The following KIF9 variants were observed in gnomAD, a reference collection of about 807,000 sequenced individuals.
KIF9 encodes kinesin-like protein KIF9.
Under a neutral mutation model 94.8 loss-of-function variants are expected in KIF9, and 68 were observed. The ratio of observed to expected loss-of-function variants is 0.72; its 90% CI spans 0.59 to 0.88. KIF9 has a LOEUF of 0.88. Ranked by LOEUF, KIF9 falls within the 40% of genes least tolerant of loss-of-function variation. The pLI is 0.00. For synonymous variants in KIF9, 343 were observed against 362.1 expected, an observed-to-expected ratio of 0.95 and a Z score of 0.60; for missense variants, 882 against 982.5, an observed-to-expected ratio of 0.90 and a Z score of 1.37.
At chr3:47,265,345 G>C (rs1350887653) in intron 8 of KIF9, among the ~76,000 whole-genome samples, 3 of 152,132 alleles carry the variant, frequency 2.0e-5, no homozygotes, top group Non-Finnish European at 2.9e-5. Flanking sequence ...TAGGGCTATG[G>C]GGATGATAAG....
chr3:47,240,119 T>A, intron 17 of KIF9: 1 of 363,992 alleles, frequency 2.7e-6, no homozygotes, highest in Non-Finnish European at 5.1e-6. Flanking sequence ...CACGCAAGCT[T>A]GGTGGGCCTT....
At position 47,280,938 on chromosome 3, in the gene KIF9, C is replaced by T. The variant is rs1391420816; in HGVS notation, c.-6+1557G>A. 3 of 702,932 alleles carry T rather than the reference C, an allele frequency of 4.3e-6. No individual in the cohort carries two copies. In the African/African-American group the frequency reaches 5.2e-5, roughly 12 times the overall value. 43.5% of individuals were successfully genotyped at this position (702,932 alleles called of 1,614,324 possible). The stretch of plus-strand genomic sequence containing the variant: ...ACCCAAACATTTAGGGACCCCATGC[C>T]ATCTTGCACTTACTGAAATACTGCT... On this transcript the variant is annotated intron_variant, in intron 1 of 20. Coordinates refer to ENST00000684063, the MANE Select transcript of KIF9 (RefSeq NM_182902.4).
At chr3:47,235,685 T>C in intron 19 of KIF9, 68 bp from the exon 20 acceptor site, 8 of 1,277,100 alleles carry the variant, frequency 6.3e-6, no homozygotes, top group Non-Finnish European at 8.0e-6. Context: ...GTGGTGTGCA[T>C]CAGGGCAGTC....
At chr3:47,239,855 T>C in intron 17 of KIF9, 10 of 1,367,898 alleles carry the variant, frequency 7.3e-6, no homozygotes, top group Non-Finnish European at 9.8e-6. Context: ...TCATGGAAGC[T>C]GGCCTGGAAC....
chr3:47,263,971 C>T, intron 9 of KIF9: 2 of 502,458 alleles, frequency 4.0e-6, no homozygotes, highest in South Asian at 3.1e-5. Context: ...TTCTTGATCC[C>T]AATTCCAGGA....
chr3:47,232,378 G>A (rs983569937), intron 20 of KIF9, among the ~76,000 whole-genome samples: 15 of 151,864 alleles, frequency 9.9e-5, no homozygotes, highest in Non-Finnish European at 1.8e-4. Flanking sequence ...TCCACCTCCC[G>A]GGTTCAAGCA....
intron 5 of KIF9, among the ~76,000 whole-genome samples, chr3:47,268,575 TTTC>T (rs1478077577): frequency 3.2e-4 from 48 of 151,904 alleles, no homozygotes; most frequent in East Asian, 2.7e-3. Flanking sequence ...TCACTTCATT[TTTC>T]TTCTTCTTTT....
chr3:47,277,905 C>T (rs1702077482), intron 1 of KIF9, among the ~76,000 whole-genome samples: 1 of 152,108 alleles, frequency 6.6e-6, no homozygotes. Flanking sequence ...TCTTTCTTCT[C>T]TTACTATATT....
chr3:47,279,178 A>C (rs1429252731), intron 1 of KIF9, among the ~76,000 whole-genome samples: 1 of 149,974 alleles, frequency 6.7e-6, no homozygotes, highest in East Asian at 2.0e-4. Flanking sequence ...AAAAAAAAAA[A>C]AAAACTAACG....
chr3:47,270,258 CT>C lies in KIF9; in HGVS notation c.591+978del, dbSNP rs1245982298. Among the ~76,000 whole-genome samples the C allele has an allele frequency of 7.6e-3, 1,079 of 142,684 alleles. 12 individuals carry two copies. The highest frequency in any genetic ancestry group is 0.024 in the African/African-American group (936 of 39,102). 93.6% of individuals were successfully genotyped at this position (142,684 alleles called of 152,430 possible). ...ATTCTTATTTTTCTCTTTTTCTTTT[CT>C]TTTTTTTTTTTGAGAAGGAGTTTTG... On this transcript the variant is annotated intron_variant, in intron 5 of 20. Transcript: ENST00000684063.
In KIF9 at chr3:47,248,018, C is replaced by T. The variant is rs766896097; in HGVS notation, c.1128G>A (p.Leu376=). 1 of 1,611,818 alleles carries T rather than the reference C, an allele frequency of 6.2e-7. No homozygotes were observed. The highest frequency in any genetic ancestry group is 8.5e-7 in the Non-Finnish European group (1 of 1,178,002). Residue 376 remains leucine, a splice_region_variant and synonymous_variant, in exon 11 of 21, where the codon CTG becomes CTA. Coordinates refer to ENST00000684063, the MANE Select transcript of KIF9 (RefSeq NM_182902.4). ...TCCTTCTTTGCCTCTAGCCTCTTACCAGGCTGTCATGGATAGCCAGCTCCT... is the reference window on the plus strand; with the variant it reads ...TCCTTCTTTGCCTCTAGCCTCTTACTAGGCTGTCATGGATAGCCAGCTCCT... ...LKQELAIHDS[L]TNRTFVTYDP...
chr3:47,250,657 G>A (rs1700215778), intron 10 of KIF9: 9 of 395,382 alleles, frequency 2.3e-5, no homozygotes, highest in East Asian at 2.0e-4. Flanking sequence ...GAGAAGAATC[G>A]CTAAGTCATT....
At chr3:47,232,707 G>A (rs1302099833) in intron 20 of KIF9, among the ~76,000 whole-genome samples, 2 of 151,998 alleles carry the variant, frequency 1.3e-5, no homozygotes, top group African/African-American at 4.8e-5. Flanking sequence ...AGTCGGCCGG[G>A]CATGCTGGCT....
At chr3:47,270,031 G>A (rs1701540579) in intron 5 of KIF9, among the ~76,000 whole-genome samples, 1 of 151,906 alleles carries the variant, frequency 6.6e-6, no homozygotes, top group Non-Finnish European at 1.5e-5. Context: ...GCCTCCCAAA[G>A]TGTTGGGATT....
intron 14 of KIF9, 184 bp from the exon 15 acceptor site, chr3:47,245,108 T>C: frequency 1.4e-6 from 1 of 714,356 alleles, no homozygotes; most frequent in Non-Finnish European, 2.3e-6. Flanking sequence ...CTCTGCCAAA[T>C]GTCCACTTTC....
At chr3:47,279,150 G>A (rs1382311390) in intron 1 of KIF9, among the ~76,000 whole-genome samples, 3 of 105,026 alleles carry the variant, frequency 2.9e-5, no homozygotes, top group African/African-American at 1.1e-4. Context: ...GACAGAGTGA[G>A]ACCATATCTC....
chr3:47,255,720 G>C (rs928022757), intron 10 of KIF9, among the ~76,000 whole-genome samples: 3 of 149,734 alleles, frequency 2.0e-5, no homozygotes, highest in African/African-American at 7.4e-5. Flanking sequence ...AATTTTCTTC[G>C]CTCTCCCTCT....
At chr3:47,251,052 C>T (rs1272723909) in intron 10 of KIF9, among the ~76,000 whole-genome samples, 3 of 152,208 alleles carry the variant, frequency 2.0e-5, no homozygotes, top group African/African-American at 7.2e-5. Context: ...CTCTGGAAGC[C>T]CCACAAAGGT....
At chr3:47,262,610 C>A (rs1350822081) in intron 9 of KIF9, among the ~76,000 whole-genome samples, 2 of 152,130 alleles carry the variant, frequency 1.3e-5, no homozygotes, top group Non-Finnish European at 2.9e-5. Flanking sequence ...CAAGAAGTTC[C>A]AGAAGCCTTC....
Sources: allele counts gnomAD v4.1 joint callset (sites outside exome capture counted in the v4.1 genomes callset), GRCh38; gene constraint gnomAD v4.1.1; transcripts MANE v1.5; gene names NCBI Gene and HGNC (gene_info 2026-07-23, HGNC 2026-07-21).